DISC1: variants seen among roughly 807,000 people sequenced by gnomAD.
DISC1 encodes disrupted in schizophrenia 1 protein.
DISC1 carries 57 observed loss-of-function variants against 84.5 expected under a neutral mutation model. The ratio of observed to expected loss-of-function variants is 0.67; its 90% confidence interval spans 0.55 to 0.84. The LOEUF is 0.84. Among genes scored for constraint, DISC1 ranks in the 40% least tolerant of loss-of-function variants. The pLI is 0.00. For synonymous variants in DISC1, 411 were observed against 415.2 expected (o/e 0.99, Z 0.12); for missense variants, 1,000 against 1,057.8 (o/e 0.95, Z 0.76).
intron 4 of DISC1, among the ~76,000 whole-genome samples, chr1:231,760,986 G>A (rs1573585430): frequency 6.6e-6 from 1 of 152,168 alleles, no homozygotes; most frequent in South Asian, 2.1e-4. Context: ...ACAGTCACAT[G>A]GTAAAAATTG....
chr1:231,640,114 C>CA lies in DISC1; in HGVS notation c.67+13181dup, dbSNP rs1031113804. 6.8e-4 allele frequency among the ~76,000 whole-genome samples: 104 copies of CA among 152,260 alleles called. 2 individuals are homozygous for CA. The highest frequency in any genetic ancestry group is 2.5e-3 in the African/African-American group (103 of 41,554). On this transcript the variant is annotated intron_variant, in intron 1 of 12. Transcript: ENST00000439617. ...TGAATTAGAGAAGGCTTGAGGTTCT[C>CA]AGAGAATTTTGGATTTTGGAATTAG...
At chr1:231,940,501 T>G (rs1351870215) in intron 9 of DISC1, among the ~76,000 whole-genome samples, 1 of 152,250 alleles carries the variant, frequency 6.6e-6, no homozygotes, top group Non-Finnish European at 1.5e-5. Context: ...AAATGTCGTA[T>G]TCTCCTCACT....
chr1:231,751,642 C>T (rs1192649624), intron 4 of DISC1, among the ~76,000 whole-genome samples: 1 of 152,214 alleles, frequency 6.6e-6, no homozygotes, highest in African/African-American at 2.4e-5. Context: ...TTCCCCTCTT[C>T]CAGTCCATGA....
Position 231,830,274 on chromosome 1 carries a change from G to C in DISC1, c.1981+11757G>C, listed in dbSNP as rs183668046. Among the ~76,000 whole-genome samples the C allele has an allele frequency of 5.7e-3, 872 of 152,224 alleles. 11 individuals carry two copies. Among genetic ancestry groups the C allele is most frequent in the African/African-American group, 0.019 (785 of 41,510 alleles). On this transcript the variant is annotated intron_variant, in intron 9 of 12. Transcript: ENST00000439617. The stretch of plus-strand genomic sequence containing the variant: ...GCTGAAGGAAGATTTTGTGGTAAAG[G>C]GTGATATTGTGCGGTTGTTAGAAGA...
intron 9 of DISC1, among the ~76,000 whole-genome samples, chr1:231,927,994 G>A (rs990399101): frequency 2.6e-5 from 4 of 152,192 alleles, no homozygotes; most frequent in African/African-American, 9.6e-5. Flanking sequence ...CCCTTCAGCA[G>A]TTCTCCTGTG....
intron 3 of DISC1, among the ~76,000 whole-genome samples, chr1:231,719,414 T>C (rs1387367039): frequency 6.6e-6 from 1 of 152,240 alleles, no homozygotes; most frequent in Non-Finnish European, 1.5e-5. Context: ...TAATAGCTGA[T>C]AATTCTACTA....
chr1:231,656,544 C>T (rs1380978857), intron 1 of DISC1, among the ~76,000 whole-genome samples: 3 of 152,080 alleles, frequency 2.0e-5, no homozygotes, highest in African/African-American at 7.2e-5. Context: ...GTTCTTTTTG[C>T]TCAGGATTAC....
chr1:231,802,400 C>T (rs139781430), intron 8 of DISC1, among the ~76,000 whole-genome samples: 126 of 152,172 alleles, frequency 8.3e-4, no homozygotes, highest in African/African-American at 2.9e-3. Flanking sequence ...CCTTGCCTTC[C>T]GCCATGATTG....
rs1298068866 is a variant in DISC1, at chr1:231,701,840, AAG to A, written c.1048-111_1048-110del. On this transcript the variant is annotated intron_variant, in intron 2 of 12. Transcript: ENST00000439617. ...TGTGCATTTTTGTTTTTTTTTTAAA[AAG>A]AGAATGAAGAAGTTCAGTTTTGAAA... is the stretch of plus-strand genomic sequence containing the variant. The A allele has an allele frequency of 3.4e-6, 3 of 882,176 alleles. No individual in the cohort carries two copies. In the African/African-American group the frequency reaches 5.3e-5, roughly 16 times the overall value. The allele number at this position is 882,176 out of a possible 1,614,324, so 54.6% of individuals were successfully genotyped here.
intron 8 of DISC1, among the ~76,000 whole-genome samples, chr1:231,807,602 G>A: frequency 6.6e-6 from 1 of 152,140 alleles, no homozygotes; most frequent in Non-Finnish European, 1.5e-5. Flanking sequence ...GACTTCAGTG[G>A]GTACGTCTGG....
chr1:231,876,473 A>G (rs2085897609), intron 9 of DISC1, among the ~76,000 whole-genome samples: 1 of 152,182 alleles, frequency 6.6e-6, no homozygotes, highest in African/African-American at 2.4e-5. Flanking sequence ...CTTTATAGCA[A>G]TGCAAGGATG....
At chr1:231,840,805 A>C (rs1443090287) in intron 9 of DISC1, among the ~76,000 whole-genome samples, 1 of 152,010 alleles carries the variant, frequency 6.6e-6, no homozygotes, top group African/African-American at 2.4e-5. Context: ...CCTCAGCCCA[A>C]GGGAATTCTT....
intron 1 of DISC1, among the ~76,000 whole-genome samples, chr1:231,632,639 G>A (rs899638321): frequency 6.6e-6 from 1 of 152,118 alleles, no homozygotes; most frequent in Non-Finnish European, 1.5e-5. Context: ...GTTAGAACCT[G>A]GCTCCTCTTC....
Position 231,630,299 on chromosome 1 carries a change from G to T in DISC1, c.67+3365G>T, listed in dbSNP as rs551818747. 1.1e-4 allele frequency among the ~76,000 whole-genome samples: 16 copies of T among 152,136 alleles called. No homozygotes were observed. In the South Asian group the frequency reaches 2.7e-3, roughly 26 times the overall value. On this transcript the variant is annotated intron_variant, in intron 1 of 12. Coordinates refer to ENST00000439617, the MANE Select transcript of DISC1 (RefSeq NM_018662.3). This position sits in a 1 kb window ranked among gnomAD's most constrained non-coding sequence, Gnocchi z 4.4. The stretch of plus-strand genomic sequence containing the variant: ...AAAAAAGGTAATATTTTAGGTTAGG[G>T]TCATTAGACCAGAATTAGAATCATT...
chr1:231,635,327 A>G (rs74143896), intron 1 of DISC1, among the ~76,000 whole-genome samples: 328 of 142,524 alleles, frequency 2.3e-3, no homozygotes, highest in African/African-American at 8.2e-3. Context: ...CCTTTTTATT[A>G]TGCACATTAT....
intron 10 of DISC1, among the ~76,000 whole-genome samples, chr1:231,962,114 A>C (rs1190527092): frequency 6.6e-6 from 1 of 152,048 alleles, no homozygotes; most frequent in East Asian, 1.9e-4. Flanking sequence ...TTTGATTTAC[A>C]TTTCTCTGAT....
intron 1 of DISC1, among the ~76,000 whole-genome samples, chr1:231,681,242 CTT>C (rs1204723597): frequency 3.9e-5 from 6 of 152,194 alleles, no homozygotes; most frequent in Non-Finnish European, 8.8e-5. Context: ...GTTTATGAAT[CTT>C]TTGCTACTGA....
At chr1:232,008,321 TG>T (rs1667714830) in intron 10 of DISC1, among the ~76,000 whole-genome samples, 1 of 152,204 alleles carries the variant, frequency 6.6e-6, no homozygotes. Context: ...AGGCAGGGAA[TG>T]TTTCTCCCAA....
intron 5 of DISC1, 151 bp downstream of exon 5, chr1:231,767,420 C>A (rs990612501): frequency 4.9e-6 from 6 of 1,219,714 alleles, no homozygotes; most frequent in Non-Finnish European, 6.9e-6. Context: ...CCTCAGCCTC[C>A]CAAGTAGCTG....
Sources: gnomAD v4.1 joint callset for allele counts (sites outside exome capture counted in the v4.1 genomes callset) on GRCh38, gnomAD v4.1.1 for gene constraint, Gnocchi (gnomAD v3.1) non-coding constraint, MANE v1.5 for transcripts, NCBI Gene and HGNC (gene_info 2026-07-23, HGNC 2026-07-21) for gene names.